The following ZC3H18 variants were observed in gnomAD, a reference collection of about 807,000 sequenced individuals.
ZC3H18 encodes zinc finger CCCH domain-containing protein 18.
In ZC3H18, 8 loss-of-function variants were observed where a neutral mutation model predicts 106.1. That is an observed-to-expected ratio of 0.08 (90% confidence interval 0.04 to 0.14). ZC3H18 has a LOEUF of 0.14. ZC3H18 is among the 10% of genes least tolerant of loss of function. The pLI is 1.00. For synonymous variants in ZC3H18, 635 were observed against 522.1 expected (o/e 1.22, Z -2.95); for missense variants, 1,318 against 1,278.4 (o/e 1.03, Z -0.47).
rs758995123 is a variant in ZC3H18, at chr16:88,622,349, A to C, written c.1628A>C (p.Lys543Thr). The C allele has an allele frequency of 6.2e-7, 1 of 1,613,276 alleles. No homozygotes were observed. Among genetic ancestry groups the C allele is most frequent in the Non-Finnish European group, 8.5e-7 (1 of 1,179,606 alleles). ...CCGAGCCGGGCTCGAAGGCGTCGGA[A>C]AACATCAGCCTCGTCAGCCTCTGCC... The part of the protein sequence containing the change: ...VSPSRARRRR[K>T]TSASSASASN... Residue 543 changes from lysine to threonine, a missense_variant, in exon 9 of 18, where the codon AAA becomes ACA. Transcript: ENST00000301011.
At chr16:88,615,020 C>T (rs566081220) in intron 8 of ZC3H18, among the ~76,000 whole-genome samples, 3 of 129,172 alleles carry the variant, frequency 2.3e-5, no homozygotes, top group Non-Finnish European at 5.2e-5. Context: ...ATTCCCTCTG[C>T]GTTTGACAGG....
chr16:88,624,196 G>C, intron 11 of ZC3H18, 134 bp downstream of exon 11: 2 of 1,276,230 alleles, frequency 1.6e-6, no homozygotes, highest in Admixed American at 4.9e-5. Context: ...GGCCCCAGGG[G>C]GTGACTGGGC....
At chr16:88,580,084 A>G (rs1255780220) in intron 2 of ZC3H18, among the ~76,000 whole-genome samples, 1 of 149,362 alleles carries the variant, frequency 6.7e-6, no homozygotes, top group African/African-American at 2.5e-5. Context: ...TCCATCCTTT[A>G]TGTGTCAACC....
intron 2 of ZC3H18, among the ~76,000 whole-genome samples, chr16:88,580,669 C>T (rs1483237751): frequency 6.6e-6 from 1 of 152,178 alleles, no homozygotes; most frequent in Non-Finnish European, 1.5e-5. Context: ...TCCTGCCCCG[C>T]GCCCTGCTCC....
chr16:88,598,360 T>A (rs779640581), intron 4 of ZC3H18, 34 bp downstream of exon 4: 6 of 1,576,712 alleles, frequency 3.8e-6, no homozygotes, highest in Non-Finnish European at 5.2e-6. Context: ...TGTTAGCACA[T>A]CAGCCAACTG....
In ZC3H18 at chr16:88,579,314, T is replaced by C. The variant is rs374411173; in HGVS notation, c.603+1588T>C. ...GAGCTGGTTGGGTTGAGGATGCCCATGAGACTGAGTTTTTGTGTCCTGGGG... is the reference window on the plus strand; with the variant it reads ...GAGCTGGTTGGGTTGAGGATGCCCACGAGACTGAGTTTTTGTGTCCTGGGG... On this transcript the variant is annotated intron_variant, in intron 2 of 17. Transcript: ENST00000301011. Among the ~76,000 whole-genome samples the C allele has an allele frequency of 3.3e-5, 5 of 152,226 alleles. No individual in the cohort carries two copies. The East Asian group carries it at 9.7e-4, about 30-fold the overall frequency.
chr16:88,624,038 C>T lies in ZC3H18; in HGVS notation c.1874C>T (p.Pro625Leu), dbSNP rs747117189. The change falls in exon 11 of 18, where the codon CCG becomes CTG. Residue 625 changes from proline to leucine, a missense_variant. Physicochemically the swap from Pro to Leu is moderately conservative, Grantham distance 98. Transcript: ENST00000301011. ...CCTTCCATCAGAACCAAGGGAGAGC[C>T]GGCCCCGCCGCCCGGGAAAGCAGGG... ...HRPSIRTKGE[P>L]APPPGKAGEK... 3.7e-5 allele frequency: 59 copies of T among 1,613,952 alleles called. No individual in the cohort carries two copies. Among genetic ancestry groups the T allele is most frequent in the Middle Eastern group, 3.3e-4 (2 of 6,080 alleles).
At chr16:88,581,617 G>A (rs932733609) in intron 2 of ZC3H18, among the ~76,000 whole-genome samples, 4 of 152,314 alleles carry the variant, frequency 2.6e-5, no homozygotes, top group African/African-American at 4.8e-5. Context: ...GGGTGAGGGC[G>A]TCCCTGACAC....
At position 88,577,358 on chromosome 16, in the gene ZC3H18, C is replaced by G; in HGVS notation, c.235C>G (p.Gln79Glu). The G allele has an allele frequency of 1.2e-6, 2 of 1,600,492 alleles. No homozygotes were observed. Among genetic ancestry groups the G allele is most frequent in the African/African-American group, 1.3e-5 (1 of 74,824 alleles). Residue 79 changes from glutamine to glutamate, a missense_variant, in exon 2 of 18, where the codon CAA becomes GAA. This residue lies in a region of ZC3H18 where 346 missense variants were observed against 269.0 expected (regional missense o/e 1.29). Coordinates refer to ENST00000301011, the MANE Select transcript of ZC3H18 (RefSeq NM_144604.4). ...GGACCGGGCAAGTGAGCCTAAATCC[C>G]AAGACCAGGACTCAGAGGTGAATGA... ...EEDRASEPKS[Q>E]DQDSEVNELS...
Position 88,628,810 on chromosome 16 carries a change from A to G in ZC3H18, c.2522A>G (p.Gln841Arg), listed in dbSNP as rs1355975347. The G allele has an allele frequency of 2.5e-6, 4 of 1,614,140 alleles. No individual in the cohort carries two copies. The highest frequency in any genetic ancestry group is 3.4e-6 in the Non-Finnish European group (4 of 1,179,990). Residue 841 changes from glutamine to arginine, a missense_variant, in exon 16 of 18, where the codon CAG becomes CGG. By Grantham distance (43) the Gln-to-Arg change is conservative. Around this residue, in one of 6 missense-constraint regions of ZC3H18, gnomAD observed 848 missense variants for 821.7 expected, o/e 1.03. Coordinates refer to ENST00000301011, the MANE Select transcript of ZC3H18 (RefSeq NM_144604.4). ...KRYEPSDKDR[Q>R]SPPPAKRPNT... ...TATGAACCATCAGACAAGGACAGGCAGAGCCCTCCTCCAGCCAAGCGGCCC... is the reference window on the plus strand; with the variant it reads ...TATGAACCATCAGACAAGGACAGGCGGAGCCCTCCTCCAGCCAAGCGGCCC...
At chr16:88,625,519 G>A in intron 13 of ZC3H18, 1 of 528,962 alleles carries the variant, frequency 1.9e-6, no homozygotes, top group Non-Finnish European at 3.4e-6. Flanking sequence ...CAGGTCAGGA[G>A]GAGGTGCCTC....
chr16:88,610,448 T>G (rs907766151), intron 7 of ZC3H18, among the ~76,000 whole-genome samples: 2 of 152,194 alleles, frequency 1.3e-5, no homozygotes, highest in African/African-American at 4.8e-5. Context: ...GCAGGTGGGC[T>G]GCAGGGTCCT....
chr16:88,594,826 A>G (rs1422196938), intron 3 of ZC3H18, among the ~76,000 whole-genome samples: 2 of 152,210 alleles, frequency 1.3e-5, no homozygotes, highest in East Asian at 3.8e-4. Context: ...AAAATAATAC[A>G]GTGTTTACAC....
At chr16:88,582,405 A>G (rs1162525021) in intron 2 of ZC3H18, among the ~76,000 whole-genome samples, 1 of 151,374 alleles carries the variant, frequency 6.6e-6, no homozygotes, top group Non-Finnish European at 1.5e-5. Context: ...TTGTATTTTT[A>G]GTAGAAATGG....
intron 3 of ZC3H18, among the ~76,000 whole-genome samples, chr16:88,589,045 C>T (rs986611373): frequency 6.6e-6 from 1 of 152,216 alleles, no homozygotes; most frequent in Non-Finnish European, 1.5e-5. Context: ...ATGTCTTCTG[C>T]TGCTGCTTTG....
Position 88,596,559 on chromosome 16 carries a change from A to G in ZC3H18, c.689-1619A>G, listed in dbSNP as rs1904448599. On this transcript the variant is annotated intron_variant, in intron 3 of 17. Coordinates refer to ENST00000301011, the MANE Select transcript of ZC3H18 (RefSeq NM_144604.4). Reference sequence around the variant, plus strand: ...GGAGGCTGAGGCAGGAGAATCACTGACACCCAGGAGGTGGAGGTTGCAGTG... The same window carrying G: ...GGAGGCTGAGGCAGGAGAATCACTGGCACCCAGGAGGTGGAGGTTGCAGTG... 2.0e-5 allele frequency among the ~76,000 whole-genome samples: 3 copies of G among 151,962 alleles called. No homozygotes were observed. The South Asian group carries it at 6.2e-4, about 32-fold the overall frequency.
At chr16:88,578,890 G>T (rs1236576353) in intron 2 of ZC3H18, among the ~76,000 whole-genome samples, 1 of 152,176 alleles carries the variant, frequency 6.6e-6, no homozygotes, top group African/African-American at 2.4e-5. Flanking sequence ...GTGTCGCCCT[G>T]TTGGCCAGGC....
intron 3 of ZC3H18, among the ~76,000 whole-genome samples, chr16:88,595,864 AAT>A (rs1904410578): frequency 6.6e-6 from 1 of 152,236 alleles, no homozygotes; most frequent in African/African-American, 2.4e-5. Context: ...AAGGCAAGAA[AAT>A]AAAATCTAAA....
At chr16:88,571,909 C>T (rs184893973) in intron 1 of ZC3H18, among the ~76,000 whole-genome samples, 2 of 152,232 alleles carry the variant, frequency 1.3e-5, no homozygotes, top group African/African-American at 2.4e-5. Context: ...ATAGGTACTG[C>T]TCTGTTGAAA....
Sources: allele counts gnomAD v4.1 joint callset (sites outside exome capture counted in the v4.1 genomes callset), GRCh38; gene constraint gnomAD v4.1.1; regional missense constraint gnomAD v4.1.1; transcripts MANE v1.5; gene names NCBI Gene and HGNC (gene_info 2026-07-23, HGNC 2026-07-21).